The following MTFR1 variants were observed in gnomAD, a reference collection of about 807,000 sequenced individuals.
The protein encoded by MTFR1 is chondrocyte protein with a poly-proline region.
MTFR1 carries 28 observed loss-of-function variants against 38.8 expected under a neutral mutation model. The ratio of observed to expected loss-of-function variants is 0.72; its 90% CI spans 0.53 to 0.99. The LOEUF (loss-of-function observed/expected upper bound fraction) is 0.99, where lower values mean the gene tolerates loss of function less well. Ranked by LOEUF, MTFR1 falls within the 50% of genes least tolerant of loss-of-function variation. The pLI is 0.00. For missense variants in MTFR1, 358 were observed against 395.5 expected, an observed-to-expected ratio of 0.91 and a Z score of 0.81; for synonymous variants, 145 against 137.0, an observed-to-expected ratio of 1.06 and a Z score of -0.41.
At chr8:65,650,271 C>T (rs530368416) in intron 1 of MTFR1, among the ~76,000 whole-genome samples, 28 of 133,434 alleles carry the variant, frequency 2.1e-4, no homozygotes, top group Non-Finnish European at 3.7e-4. Context: ...CTCCCAGGTT[C>T]AAGCAATTCT....
intron 3 of MTFR1, among the ~76,000 whole-genome samples, chr8:65,689,987 G>A (rs1245098564): frequency 6.6e-6 from 1 of 152,110 alleles, no homozygotes; most frequent in African/African-American, 2.4e-5. Flanking sequence ...ACATATTATG[G>A]ACTTGGTATC....
chr8:65,716,208 A>G (rs912868597), intron 2 of MTFR1, among the ~76,000 whole-genome samples: 1 of 151,768 alleles, frequency 6.6e-6, no homozygotes, highest in Admixed American at 6.6e-5. Context: ...ATAATAAAAC[A>G]ACTTTTCAAT....
At chr8:65,732,191 G>C (rs927439142) in intron 3 of MTFR1, among the ~76,000 whole-genome samples, 1 of 151,534 alleles carries the variant, frequency 6.6e-6, no homozygotes, top group African/African-American at 2.4e-5. Flanking sequence ...TAGAGACGGG[G>C]TTTCACCATG....
intron 4 of MTFR1, among the ~76,000 whole-genome samples, chr8:65,696,693 C>T (rs1471126400): frequency 6.6e-6 from 1 of 152,016 alleles, no homozygotes; most frequent in Non-Finnish European, 1.5e-5. Flanking sequence ...CAGAGTCTCA[C>T]TCTGTCACCC....
intron 3 of MTFR1, chr8:65,747,735 G>A (rs752011090): frequency 1.2e-6 from 2 of 1,609,480 alleles, no homozygotes; most frequent in Non-Finnish European, 1.7e-6. Flanking sequence ...GAAGATCTAA[G>A]ATATCGCTGG....
chr8:65,748,476 G>C (rs1807788630), intron 3 of MTFR1, among the ~76,000 whole-genome samples: 1 of 152,138 alleles, frequency 6.6e-6, no homozygotes, highest in Non-Finnish European at 1.5e-5. Context: ...TTTCCCTCTA[G>C]TGTTAGAATA....
Position 65,645,692 on chromosome 8 carries a change from T to TTCCCCC in MTFR1, c.-81+908_-81+909insTCCCCC, listed in dbSNP as rs1554544272. 1.3e-4 allele frequency among the ~76,000 whole-genome samples: 11 copies of TTCCCCC among 83,174 alleles called. 1 individual carries two copies. Among genetic ancestry groups the TTCCCCC allele is most frequent in the Non-Finnish European group, 1.9e-4 (9 of 46,186 alleles). 54.6% of individuals were successfully genotyped at this position (83,174 alleles called of 152,430 possible). A position where few individuals can be genotyped will look rare whatever the true frequency, so the allele number is the denominator to read the frequency against. ...AGGCAGGCGCCATCACGCCCGGCTT[T>TTCCCCC]CCCCCCCCCCCCCCTTTGTAGAGAT... On this transcript the variant is annotated intron_variant, in intron 1 of 7. Coordinates refer to ENST00000262146, the MANE Select transcript of MTFR1 (RefSeq NM_014637.4).
At chr8:65,690,000 T>C (rs944264839) in intron 3 of MTFR1, among the ~76,000 whole-genome samples, 7 of 152,234 alleles carry the variant, frequency 4.6e-5, no homozygotes, top group African/African-American at 1.7e-4. Context: ...TTGGTATCAT[T>C]TGCCTAATTA....
At chr8:65,723,124 G>C (rs1175548366) in intron 3 of MTFR1, 1 of 153,912 alleles carries the variant, frequency 6.5e-6, no homozygotes. Context: ...AGTCTGGAAA[G>C]GCAGTGGCAG....
intron 3 of MTFR1, among the ~76,000 whole-genome samples, chr8:65,759,575 G>A (rs1422803694): frequency 6.6e-6 from 1 of 152,212 alleles, no homozygotes; most frequent in Non-Finnish European, 1.5e-5. Flanking sequence ...GACTCTAAGT[G>A]TCCAATCAGG....
At chr8:65,667,575 A>G (rs1563438990) in intron 1 of MTFR1, among the ~76,000 whole-genome samples, 1 of 151,642 alleles carries the variant, frequency 6.6e-6, no homozygotes, top group South Asian at 2.1e-4. Flanking sequence ...TTACAGGTGT[A>G]TGCTACCATG....
At chr8:65,778,437 G>T in the MTFR1 span, among the ~76,000 whole-genome samples, 1 of 152,118 alleles carries the variant, frequency 6.6e-6, no homozygotes, top group African/African-American at 2.4e-5. Context: ...TGGACATAAG[G>T]CTCCAGTGTC....
At chr8:65,668,086 G>C (rs1804443636) in intron 1 of MTFR1, among the ~76,000 whole-genome samples, 1 of 151,756 alleles carries the variant, frequency 6.6e-6, no homozygotes, top group African/African-American at 2.4e-5. Context: ...GTCATGATGA[G>C]ATAAAGGGCT....
At chr8:65,719,173 G>C (rs1184837433) in intron 2 of MTFR1, 4 of 685,916 alleles carry the variant, frequency 5.8e-6, no homozygotes, top group South Asian at 5.1e-5. Flanking sequence ...AATAATGCTG[G>C]CTGGCATCAC....
chr8:65,773,679 CCTTCT>C (rs533133793), downstream of MTFR1, among the ~76,000 whole-genome samples: 56 of 152,214 alleles, frequency 3.7e-4, no homozygotes, highest in Non-Finnish European at 6.0e-4. Flanking sequence ...GTTTGGTCTT[CCTTCT>C]CTTGTCTTTT....
chr8:65,688,841 C>T (rs2129055195), intron 3 of MTFR1, among the ~76,000 whole-genome samples: 1 of 152,088 alleles, frequency 6.6e-6, no homozygotes, highest in South Asian at 2.1e-4. Flanking sequence ...TACTATGTTG[C>T]TATTAAGAAT....
chr8:65,682,897 T>C (rs1358944453), intron 3 of MTFR1: 1 of 985,314 alleles, frequency 1.0e-6, no homozygotes, highest in African/African-American at 1.7e-5. Flanking sequence ...AGATCAGCAT[T>C]AATTATAGGA....
At position 65,645,745 on chromosome 8, in the gene MTFR1, C is replaced by G. The variant is rs191059390; in HGVS notation, c.-81+961C>G. ...GGTCTCCTTATGTTGCTCAGGCTATCTTTGAACTCCTTGGCTTAAGCGATC... is the reference window on the plus strand; with the variant it reads ...GGTCTCCTTATGTTGCTCAGGCTATGTTTGAACTCCTTGGCTTAAGCGATC... On this transcript the variant is annotated intron_variant, in intron 1 of 7. Coordinates refer to ENST00000262146, the MANE Select transcript of MTFR1 (RefSeq NM_014637.4). 4.4e-5 allele frequency among the ~76,000 whole-genome samples: 6 copies of G among 135,430 alleles called. No homozygotes were observed. The Admixed American group carries it at 5.1e-4, about 11-fold the overall frequency. 88.8% of individuals were successfully genotyped at this position (135,430 alleles called of 152,430 possible). A position where few individuals can be genotyped will look rare whatever the true frequency, so the allele number is the denominator to read the frequency against.
At chr8:65,732,907 G>C (rs770130515) in intron 3 of MTFR1, among the ~76,000 whole-genome samples, 2 of 151,642 alleles carry the variant, frequency 1.3e-5, no homozygotes, top group Non-Finnish European at 2.9e-5. Flanking sequence ...ATGAGGTCTT[G>C]CTATGTTGAC....
Sources: allele counts gnomAD v4.1 joint callset (sites outside exome capture counted in the v4.1 genomes callset), GRCh38; gene constraint gnomAD v4.1.1; transcripts MANE v1.5; gene names NCBI Gene and HGNC (gene_info 2026-07-23, HGNC 2026-07-21).